The following DBT variants were observed in gnomAD, a reference collection of about 807,000 sequenced individuals.
The protein encoded by DBT is dihydrolipoamide branched chain transacylase E2.
Under a neutral mutation model 51.3 loss-of-function variants are expected in DBT, and 40 were observed. The ratio of observed to expected loss-of-function variants is 0.78; its 90% confidence interval spans 0.61 to 1.02. The LOEUF (loss-of-function observed/expected upper bound fraction) is 1.02. DBT is among the 50% of genes least tolerant of loss of function. DBT has a pLI of 0.00. For synonymous variants in DBT, 181 were observed against 190.4 expected (o/e 0.95, Z 0.41); for missense variants, 510 against 580.2 (o/e 0.88, Z 1.24).
chr1:100,197,018 T>C (rs1262633328), intron 10 of DBT: 1 of 211,004 alleles, frequency 4.7e-6, no homozygotes, highest in Non-Finnish European at 1.0e-5. Flanking sequence ...CTGATTACAA[T>C]GCTTTGGATA....
At position 100,199,550 on chromosome 1, in the gene DBT, C is replaced by T. The variant is rs953680925; in HGVS notation, c.1282-3128G>A. ...CATTTATTACACACAGAGGCAGCCA[C>T]CAGAAGTGCCGGCCTAGCTCTTAGG... is the stretch of plus-strand genomic sequence containing the variant. On this transcript the variant is annotated intron_variant, in intron 10 of 10. Transcript: ENST00000370132. 9.2e-5 allele frequency among the ~76,000 whole-genome samples: 14 copies of T among 152,308 alleles called. No individual in the cohort carries two copies. In the East Asian group the frequency reaches 2.7e-3, roughly 29 times the overall value.
intron 5 of DBT, among the ~76,000 whole-genome samples, chr1:100,216,740 C>A (rs760401824): frequency 1.3e-5 from 2 of 152,184 alleles, no homozygotes; most frequent in East Asian, 3.8e-4. Flanking sequence ...CACTGGCTAC[C>A]AGTTAAAAAC....
At position 100,214,817 on chromosome 1, in the gene DBT, C is replaced by G. The variant is rs398123676; in HGVS notation, c.939G>C (p.Lys313Asn). The G allele has an allele frequency of 3.7e-6, 6 of 1,613,846 alleles. No homozygotes were observed. In the South Asian group the frequency reaches 5.5e-5, roughly 15 times the overall value. The change falls in exon 7 of 11, where the codon AAG becomes AAC. Residue 313 changes from lysine (K) to asparagine (N), a missense_variant and splice_region_variant. Physicochemically the swap from Lys to Asn is moderately conservative, Grantham distance 94. Coordinates refer to ENST00000370132, the MANE Select transcript of DBT (RefSeq NM_001918.5). ...CTTGTTTGAAATGAATGAATCTCAC[C>G]TTTAAGAAGAAAGGCATAAAGGAGA... ...IKLSFMPFFL[K>N]AASLGLLQFP...
rs1192409771 is a variant in DBT at position 100,225,072 on chromosome 1, C to T, written c.433+5661G>A. Reference sequence around the variant, plus strand: ...ATATATACACACACACACACACACACACACACACACACACACACACACATA... The same window carrying T: ...ATATATACACACACACACACACACATACACACACACACACACACACACATA... On this transcript the variant is annotated intron_variant, in intron 4 of 10. Transcript: ENST00000370132. 2.2e-3 allele frequency among the ~76,000 whole-genome samples: 296 copies of T among 131,762 alleles called. 15 individuals are homozygous for T. The highest frequency in any genetic ancestry group is 7.4e-3 in the African/African-American group (263 of 35,436). The allele number at this position is 131,762 out of a possible 152,430, so 86.4% of individuals were successfully genotyped here.
intron 4 of DBT, among the ~76,000 whole-genome samples, chr1:100,227,027 C>T (rs934383621): frequency 2.6e-5 from 4 of 152,148 alleles, no homozygotes; most frequent in South Asian, 2.1e-4. Flanking sequence ...TAGCCTACTA[C>T]GCACCTAGGC....
chr1:100,208,039 G>A (rs971787803), intron 8 of DBT, among the ~76,000 whole-genome samples: 1 of 152,142 alleles, frequency 6.6e-6, no homozygotes, highest in Non-Finnish European at 1.5e-5. Context: ...GGAGGCTGAA[G>A]CAGGAGAATG....
At chr1:100,208,976 T>C (rs897319668) in intron 8 of DBT, among the ~76,000 whole-genome samples, 3 of 151,146 alleles carry the variant, frequency 2.0e-5, no homozygotes, top group African/African-American at 4.8e-5. Context: ...CTATATCTTG[T>C]AAAAAGTATG....
chr1:100,207,468 C>T (rs912125235), intron 8 of DBT, among the ~76,000 whole-genome samples: 11 of 151,800 alleles, frequency 7.2e-5, no homozygotes, highest in African/African-American at 2.7e-4. Flanking sequence ...TGAAACAGTT[C>T]TCATTTTATA....
At position 100,247,930 on chromosome 1, in the gene DBT, C is replaced by T. The variant is rs546237384; in HGVS notation, c.51+1840G>A. Among the ~76,000 whole-genome samples, 435 of 151,546 alleles carry T rather than the reference C, an allele frequency of 2.9e-3. 2 individuals are homozygous for T. The highest frequency in any genetic ancestry group is 3.8e-3 in the Non-Finnish European group (259 of 67,892). On this transcript the variant is annotated intron_variant, in intron 1 of 10. Coordinates refer to ENST00000370132, the MANE Select transcript of DBT (RefSeq NM_001918.5). ...CAGCCTGGCCATCATGGTGAAACCT[C>T]GTCTCTACTAAAAATACAAAAATTA...
rs531943225 is a variant in DBT, at chr1:100,215,074, C to T, written c.773-91G>A. ...TTTAAAGAAACTAAAATGGAAGGTT[C>T]TCTAATGTCTTTTACTCTCTCAGTT... is the stretch of plus-strand genomic sequence containing the variant. On this transcript the variant is annotated intron_variant, in intron 6 of 10. Coordinates refer to ENST00000370132, the MANE Select transcript of DBT (RefSeq NM_001918.5). The T allele has an allele frequency of 3.7e-5, 33 of 896,016 alleles. No homozygotes were observed. In the Admixed American group the frequency reaches 4.4e-4, roughly 12 times the overall value. 55.5% of individuals were successfully genotyped at this position (896,016 alleles called of 1,614,324 possible). A position where few individuals can be genotyped will look rare whatever the true frequency, so the allele number is the denominator to read the frequency against.
intron 10 of DBT, among the ~76,000 whole-genome samples, chr1:100,200,081 G>T (rs1661351949): frequency 6.6e-6 from 1 of 152,110 alleles, no homozygotes; most frequent in East Asian, 1.9e-4. Flanking sequence ...TGGAAAGGAG[G>T]CTGAAGCCAA....
At chr1:100,225,094 C>CACACAT in intron 4 of DBT, among the ~76,000 whole-genome samples, 1 of 134,530 alleles carries the variant, frequency 7.4e-6, no homozygotes, top group African/African-American at 2.8e-5. Flanking sequence ...CACACACACA[C>CACACAT]ATATAATCTG....
chr1:100,209,530 T>C (rs1662005000), intron 8 of DBT, among the ~76,000 whole-genome samples: 1 of 152,182 alleles, frequency 6.6e-6, no homozygotes, highest in Non-Finnish European at 1.5e-5. Flanking sequence ...AAGCTCACTT[T>C]CTGGTTGTAC....
In DBT at chr1:100,215,983, C is replaced by A; in HGVS notation, c.772G>T (p.Gly258Cys). ...ATAGTATTGTTATTATTATCATTACCTTTTATGGGTTCTGTTTTGTCTTTG... is the reference window on the plus strand; with the variant it reads ...ATAGTATTGTTATTATTATCATTACATTTTATGGGTTCTGTTTTGTCTTTG... ...TGKDKTEPIK[G>C]FQKAMVKTMS... The change falls in exon 6 of 11, where the codon GGC becomes TGC. Residue 258 changes from glycine to cysteine, a missense_variant and splice_region_variant. By Grantham distance (159) the Gly-to-Cys change is radical. Coordinates refer to ENST00000370132, the MANE Select transcript of DBT (RefSeq NM_001918.5). The A allele has an allele frequency of 6.5e-7, 1 of 1,540,024 alleles. No individual in the cohort carries two copies. The highest frequency in any genetic ancestry group is 9.0e-7 in the Non-Finnish European group (1 of 1,112,850).
chr1:100,214,825 A>G lies in DBT; in HGVS notation c.931T>C (p.Phe311Leu). ...RGIKLSFMPF[F>L]LKAASLGLLQ... ...AAATGAATGAATCTCACCTTTAAGA[A>G]GAAAGGCATAAAGGAGAGTTTAATT... The change falls in exon 7 of 11, where the codon TTC becomes CTC. Residue 311 changes from phenylalanine to leucine, a missense_variant. Phe to Leu is a conservative substitution (Grantham distance 22). Coordinates refer to ENST00000370132, the MANE Select transcript of DBT (RefSeq NM_001918.5). The G allele has an allele frequency of 6.2e-7, 1 of 1,614,026 alleles. No individual in the cohort carries two copies. Among genetic ancestry groups the G allele is most frequent in the Non-Finnish European group, 8.5e-7 (1 of 1,179,896 alleles).
intron 1 of DBT, among the ~76,000 whole-genome samples, chr1:100,244,063 CAA>C (rs1162401280): frequency 1.8e-4 from 14 of 79,018 alleles, no homozygotes; most frequent in African/African-American, 5.0e-4. Context: ...AATTCTATCT[CAA>C]AAAAAAAAAA....
chr1:100,228,483 GCA>G (rs1198017825), intron 4 of DBT, among the ~76,000 whole-genome samples: 7 of 152,198 alleles, frequency 4.6e-5, no homozygotes, highest in South Asian at 2.1e-4. Flanking sequence ...AATAGGCCAG[GCA>G]TGGTGGCTCA....
intron 10 of DBT, among the ~76,000 whole-genome samples, chr1:100,202,728 T>C (rs559729255): frequency 4.3e-4 from 66 of 152,078 alleles, no homozygotes; most frequent in Non-Finnish European, 4.4e-4. Flanking sequence ...TAACAAGCAG[T>C]CTCTCAGACC....
chr1:100,246,057 A>T (rs1664517885), intron 1 of DBT, among the ~76,000 whole-genome samples: 2 of 152,088 alleles, frequency 1.3e-5, no homozygotes, highest in Non-Finnish European at 1.5e-5. Context: ...AGGTCAAGAG[A>T]TCAAGACCAT....
Sources: allele counts gnomAD v4.1 joint callset (sites outside exome capture counted in the v4.1 genomes callset), GRCh38; gene constraint gnomAD v4.1.1; transcripts MANE v1.5; gene names NCBI Gene and HGNC (gene_info 2026-07-23, HGNC 2026-07-21).